Variants in FSTL5 observed in about 807,000 individuals in gnomAD.
The protein encoded by FSTL5 is follistatin-related protein 5.
Under a neutral mutation model 89.1 loss-of-function variants are expected in FSTL5, and 62 were observed. The ratio of observed to expected loss-of-function variants is 0.70; its 90% CI spans 0.57 to 0.86. The LOEUF (loss-of-function observed/expected upper bound fraction) is 0.86. Ranked by LOEUF, FSTL5 falls within the 40% of genes least tolerant of loss-of-function variation. The probability of loss-of-function intolerance (pLI) is 0.00; values close to 1 mark genes in which losing one functional copy is unlikely to be tolerated. For synonymous variants in FSTL5, 383 were observed against 346.2 expected (o/e 1.11, Z -1.18); for missense variants, 1,057 against 1,001.6 (o/e 1.06, Z -0.75).
chr4:161,503,935 C>T (rs189252849), intron 11 of FSTL5, among the ~76,000 whole-genome samples: 1 of 151,788 alleles, frequency 6.6e-6, no homozygotes, highest in East Asian at 1.9e-4. Flanking sequence ...CACATTTTTT[C>T]TTGTATTATT....
intron 15 of FSTL5, among the ~76,000 whole-genome samples, chr4:161,439,164 C>T (rs909829837): frequency 2.0e-5 from 3 of 152,060 alleles, no homozygotes; most frequent in African/African-American, 7.2e-5. Flanking sequence ...ATATTTATTG[C>T]ACATTAATGA....
At chr4:161,517,704 T>C (rs1730888413) in intron 10 of FSTL5, among the ~76,000 whole-genome samples, 1 of 152,234 alleles carries the variant, frequency 6.6e-6, no homozygotes, top group Non-Finnish European at 1.5e-5. Context: ...TATTCATGTG[T>C]AAATTGCCTG....
chr4:161,725,015 T>C lies in FSTL5; in HGVS notation c.727+34396A>G, dbSNP rs529691412. On this transcript the variant is annotated intron_variant, in intron 6 of 15. Coordinates refer to ENST00000306100, the MANE Select transcript of FSTL5 (RefSeq NM_020116.5). Reference sequence around the variant, plus strand: ...ATCGAGGCCAGCCTGGCCAACATGGTGAAACTCCCGTCTCTACTAAAAATA... The same window carrying C: ...ATCGAGGCCAGCCTGGCCAACATGGCGAAACTCCCGTCTCTACTAAAAATA... Among the ~76,000 whole-genome samples the C allele has an allele frequency of 7.9e-5, 12 of 152,084 alleles. No homozygotes were observed. In the East Asian group the frequency reaches 2.1e-3, roughly 27 times the overall value.
intron 1 of FSTL5, among the ~76,000 whole-genome samples, chr4:162,152,048 G>A (rs577729389): frequency 2.6e-5 from 4 of 152,216 alleles, no homozygotes; most frequent in African/African-American, 7.2e-5. Context: ...CACACAGTCC[G>A]ACTACAGACA....
At chr4:162,004,937 GGA>G (rs1736572772) in intron 3 of FSTL5, among the ~76,000 whole-genome samples, 1 of 152,044 alleles carries the variant, frequency 6.6e-6, no homozygotes, top group Non-Finnish European at 1.5e-5. Flanking sequence ...ACACACTAAG[GGA>G]GGTTTTTCAA....
chr4:161,534,950 T>C (rs186020231), intron 10 of FSTL5, among the ~76,000 whole-genome samples: 4 of 151,868 alleles, frequency 2.6e-5, no homozygotes, highest in East Asian at 1.9e-4. Context: ...TTTGACAAAA[T>C]AGACAAAAAA....
chr4:162,062,094 GATGTC>G (rs1270192233), intron 2 of FSTL5, among the ~76,000 whole-genome samples: 3 of 151,656 alleles, frequency 2.0e-5, no homozygotes, highest in Non-Finnish European at 4.4e-5. Context: ...TTGTGTCCAT[GATGTC>G]GAAATTTATA....
chr4:161,898,535 T>C (rs1284603267), intron 4 of FSTL5, among the ~76,000 whole-genome samples: 1 of 152,064 alleles, frequency 6.6e-6, no homozygotes, highest in Non-Finnish European at 1.5e-5. Context: ...CTACTAGGTA[T>C]GTTTTGGTAT....
intron 5 of FSTL5, among the ~76,000 whole-genome samples, chr4:161,770,910 G>T (rs1741185209): frequency 6.6e-6 from 1 of 151,966 alleles, no homozygotes; most frequent in Non-Finnish European, 1.5e-5. Context: ...CTCTAGGAGA[G>T]AATTCTTAGG....
chr4:162,042,951 TG>T (rs1361052838), intron 2 of FSTL5, among the ~76,000 whole-genome samples: 1 of 64,438 alleles, frequency 1.6e-5, no homozygotes, highest in Non-Finnish European at 2.8e-5. Flanking sequence ...TGTTGTGGGG[TG>T]GGGGGAGGGG....
chr4:161,587,599 G>C (rs200750881), intron 7 of FSTL5, 24 bp from the exon 8 acceptor site: 71 of 1,558,490 alleles, frequency 4.6e-5, no homozygotes, highest in Non-Finnish European at 5.8e-5. Flanking sequence ...AATAAAACAA[G>C]GTGTTTGCAT....
intron 3 of FSTL5, among the ~76,000 whole-genome samples, chr4:162,000,250 T>C (rs1736420393): frequency 6.6e-6 from 1 of 152,148 alleles, no homozygotes; most frequent in Admixed American, 6.5e-5. Flanking sequence ...TCTTTAAAAA[T>C]TGAAAATGCT....
intron 8 of FSTL5, among the ~76,000 whole-genome samples, chr4:161,547,990 A>T (rs1469544537): frequency 6.6e-6 from 1 of 151,940 alleles, no homozygotes; most frequent in African/African-American, 2.4e-5. Flanking sequence ...TTTTTGAAAC[A>T]TTCTAAAACA....
intron 15 of FSTL5, among the ~76,000 whole-genome samples, chr4:161,423,167 T>C (rs1368951515): frequency 6.6e-6 from 1 of 152,182 alleles, no homozygotes; most frequent in Non-Finnish European, 1.5e-5. Context: ...TATGGGACAA[T>C]CACCATTTCC....
At chr4:161,518,263 A>G (rs1173012717) in intron 10 of FSTL5, among the ~76,000 whole-genome samples, 1 of 152,146 alleles carries the variant, frequency 6.6e-6, no homozygotes, top group Admixed American at 6.6e-5. Context: ...CTTAATTTTG[A>G]AAAAGTGATG....
At chr4:161,443,270 C>G (rs1373246485) in intron 15 of FSTL5, among the ~76,000 whole-genome samples, 1 of 151,946 alleles carries the variant, frequency 6.6e-6, no homozygotes, top group Admixed American at 6.6e-5. Flanking sequence ...GTCAAGCGCT[C>G]TCCTTCATTT....
intron 7 of FSTL5, among the ~76,000 whole-genome samples, chr4:161,650,634 A>G (rs912494867): frequency 6.6e-6 from 1 of 152,192 alleles, no homozygotes; most frequent in African/African-American, 2.4e-5. Context: ...CATTGAAAAC[A>G]TGGTATACCA....
intron 15 of FSTL5, among the ~76,000 whole-genome samples, chr4:161,436,534 T>G (rs1732566576): frequency 6.6e-6 from 1 of 152,218 alleles, no homozygotes; most frequent in Admixed American, 6.5e-5. Flanking sequence ...TCTTCTGACT[T>G]CTCCAGAATA....
At chr4:162,153,164 CTGGA>C (rs1353098496) in intron 1 of FSTL5, among the ~76,000 whole-genome samples, 1 of 152,052 alleles carries the variant, frequency 6.6e-6, no homozygotes, top group Admixed American at 6.6e-5. Context: ...TGACTTCTTA[CTGGA>C]TGATAAACTC....
Sources: gnomAD v4.1 joint callset for allele counts (sites outside exome capture counted in the v4.1 genomes callset) on GRCh38, gnomAD v4.1.1 for gene constraint, MANE v1.5 for transcripts, NCBI Gene and HGNC (gene_info 2026-07-23, HGNC 2026-07-21) for gene names.